The following ABLIM2 variants were observed in gnomAD, a reference collection of about 807,000 sequenced individuals.
ABLIM2 encodes the protein actin-binding LIM protein 2.
Under a neutral mutation model 97.7 loss-of-function variants are expected in ABLIM2, and 53 were observed. The ratio of observed to expected loss-of-function variants is 0.54; its 90% CI spans 0.44 to 0.68. The LOEUF (loss-of-function observed/expected upper bound fraction) is 0.68, where lower values mean the gene tolerates loss of function less well. Ranked by LOEUF, ABLIM2 falls within the 30% of genes least tolerant of loss-of-function variation. The probability of loss-of-function intolerance (pLI) is 0.00; values close to 1 mark genes in which losing one functional copy is unlikely to be tolerated. For missense variants in ABLIM2, 835 were observed against 867.2 expected (o/e 0.96, Z 0.47); for synonymous variants, 361 against 345.8 (o/e 1.04, Z -0.49).
At chr4:8,063,008 G>A (rs574521606) in intron 6 of ABLIM2, among the ~76,000 whole-genome samples, 1 of 152,300 alleles carries the variant, frequency 6.6e-6, no homozygotes, top group African/African-American at 2.4e-5. Flanking sequence ...AAACCCTGCT[G>A]TCTACACAGC....
intron 20 of ABLIM2, among the ~76,000 whole-genome samples, chr4:7,974,194 TCCATCCATCCACCCACCTACCTAC>T (rs1560335161): frequency 6.6e-6 from 1 of 152,098 alleles, no homozygotes. Context: ...TATCTATCCA[TCCATCCATCCACCCACCTACCTAC>T]CCATCCATCC....
chr4:8,087,970 C>A lies in ABLIM2; in HGVS notation c.454+199G>T, dbSNP rs1417250823. 6.8e-6 allele frequency among the ~76,000 whole-genome samples: 1 copy of A among 146,342 alleles called. No homozygotes were observed. The highest frequency in any genetic ancestry group is 1.5e-5 in the Non-Finnish European group (1 of 66,326). The stretch of plus-strand genomic sequence containing the variant: ...CCTGGGCACTGCAGAGACCAAGCCC[C>A]CAACTCAGCACCCCCCCCACAACCA... On this transcript the variant is annotated intron_variant, in intron 4 of 20. Coordinates refer to ENST00000447017, the MANE Select transcript of ABLIM2 (RefSeq NM_001130083.2). The surrounding 1 kb of genome is among the most constrained non-coding windows in gnomAD (Gnocchi z 4.6).
At chr4:8,070,811 G>A (rs933572478) in intron 6 of ABLIM2, among the ~76,000 whole-genome samples, 4 of 152,130 alleles carry the variant, frequency 2.6e-5, no homozygotes, top group African/African-American at 9.7e-5. Context: ...AAGGAGGAGG[G>A]GAGGAGTAAA....
chr4:8,158,539 A>G, intron 1 of ABLIM2, 141 bp downstream of exon 1: 1 of 1,118,016 alleles, frequency 8.9e-7, no homozygotes, highest in Non-Finnish European at 1.2e-6. Context: ...TCGGGGCTGC[A>G]AAATCCTGGA....
In ABLIM2 at chr4:8,120,591, G is replaced by A. The variant is rs936656151; in HGVS notation, c.11-13954C>T. 6.6e-6 allele frequency among the ~76,000 whole-genome samples: 1 copy of A among 152,096 alleles called. No individual in the cohort carries two copies. The highest frequency in any genetic ancestry group is 1.5e-5 in the Non-Finnish European group (1 of 68,020). ...CCAGCCCTGCCCGCACCTTGATCTG[G>A]GACTTCTGGCCTCCAGAACTGTGGG... On this transcript the variant is annotated intron_variant, in intron 1 of 20. Transcript: ENST00000447017. The surrounding 1 kb of genome is among the most constrained non-coding windows in gnomAD (Gnocchi z 5.6).
intron 3 of ABLIM2, among the ~76,000 whole-genome samples, chr4:8,093,006 G>A (rs1466867062): frequency 6.6e-6 from 1 of 151,848 alleles, no homozygotes; most frequent in African/African-American, 2.4e-5. Flanking sequence ...CCACCACCAC[G>A]CCTGGCTCAT....
rs7693070 is a variant in ABLIM2, at chr4:8,054,969, C to G, written c.764-723G>C. Among the ~76,000 whole-genome samples the G allele has an allele frequency of 2.9e-3, 434 of 151,924 alleles. 1 individual carries two copies. Among genetic ancestry groups the G allele is most frequent in the African/African-American group, 9.9e-3 (408 of 41,416 alleles). On this transcript the variant is annotated intron_variant, in intron 7 of 20. Transcript: ENST00000447017. The surrounding 1 kb of genome is among the most constrained non-coding windows in gnomAD (Gnocchi z 4.9). ...CTACCATCAACATAACAAGGCCACC[C>G]GGCACCAAGTGCCCCCAGCATCCCT...
chr4:8,125,244 T>C lies in ABLIM2; in HGVS notation c.11-18607A>G, dbSNP rs1032730122. ...AAATCCAGTCGTCTATATCTTGTTATGACGGCTTGGGCTTTGGTGTCTTTT... is the reference window on the plus strand; with the variant it reads ...AAATCCAGTCGTCTATATCTTGTTACGACGGCTTGGGCTTTGGTGTCTTTT... On this transcript the variant is annotated intron_variant, in intron 1 of 20. Coordinates refer to ENST00000447017, the MANE Select transcript of ABLIM2 (RefSeq NM_001130083.2). The surrounding 1 kb of genome is among the most constrained non-coding windows in gnomAD (Gnocchi z 6.2). Among the ~76,000 whole-genome samples the C allele has an allele frequency of 2.0e-5, 3 of 152,248 alleles. No homozygotes were observed. The highest frequency in any genetic ancestry group is 4.8e-5 in the African/African-American group (2 of 41,476).
At chr4:7,969,161 A>T (rs1307429995) in intron 20 of ABLIM2, among the ~76,000 whole-genome samples, 1 of 150,134 alleles carries the variant, frequency 6.7e-6, no homozygotes, top group African/African-American at 2.5e-5. Flanking sequence ...AATAGTTAAA[A>T]TGGTCAATTT....
At chr4:8,142,436 C>T (rs1247614125) in intron 1 of ABLIM2, among the ~76,000 whole-genome samples, 3 of 152,164 alleles carry the variant, frequency 2.0e-5, no homozygotes, top group African/African-American at 7.2e-5. Context: ...GCACAGAGGG[C>T]ACATGTCCTG....
At chr4:8,100,750 A>G (rs1282171520) in intron 2 of ABLIM2, among the ~76,000 whole-genome samples, 2 of 14,994 alleles carry the variant, frequency 1.3e-4, no homozygotes, top group Admixed American at 6.7e-4. Flanking sequence ...CCATCTCAGG[A>G]AAAAAAAAAA....
intron 7 of ABLIM2, among the ~76,000 whole-genome samples, chr4:8,059,241 C>G (rs1801325544): frequency 1.3e-5 from 2 of 152,056 alleles, no homozygotes; most frequent in African/African-American, 2.4e-5. Flanking sequence ...CCAAACAGGA[C>G]TAGCAGGCCA....
chr4:7,972,169 C>A (rs571752070), intron 20 of ABLIM2, among the ~76,000 whole-genome samples: 139 of 152,308 alleles, frequency 9.1e-4, no homozygotes, highest in African/African-American at 3.2e-3. Flanking sequence ...GGACCTCTTC[C>A]ACAGCCTATG....
chr4:8,136,078 T>C (rs1328548786), intron 1 of ABLIM2, among the ~76,000 whole-genome samples: 3 of 152,138 alleles, frequency 2.0e-5, no homozygotes, highest in Non-Finnish European at 2.9e-5. Context: ...CATGAACAGA[T>C]GAGCAAAACG....
At chr4:7,981,128 A>G (rs1177465392) in intron 20 of ABLIM2, among the ~76,000 whole-genome samples, 2 of 151,532 alleles carry the variant, frequency 1.3e-5, no homozygotes, top group African/African-American at 2.4e-5. Context: ...TATTTTTAGT[A>G]GAGATGGGGT....
Position 8,082,426 on chromosome 4 carries a change from C to T in ABLIM2, c.455-1624G>A. ...CAAAGCCTTGCGCATCCCGGGTGAACAGTGAGCATCGGCGAGACCCCCTGT... is the reference window on the plus strand; with the variant it reads ...CAAAGCCTTGCGCATCCCGGGTGAATAGTGAGCATCGGCGAGACCCCCTGT... On this transcript the variant is annotated intron_variant, in intron 4 of 20. Transcript: ENST00000447017. This position sits in a 1 kb window ranked among gnomAD's most constrained non-coding sequence, Gnocchi z 5.6. Among the ~76,000 whole-genome samples, 1 of 152,236 alleles carries T rather than the reference C, an allele frequency of 6.6e-6. No homozygotes were observed. Among genetic ancestry groups the T allele is most frequent in the South Asian group, 2.1e-4 (1 of 4,832 alleles).
Position 7,983,337 on chromosome 4 carries a change from G to T in ABLIM2, c.1751C>A (p.Pro584Gln). The stretch of plus-strand genomic sequence containing the variant: ...GTTTGTGACGATGAGGGAGTCATAC[G>T]GATAGATCTGTTGGGGGAGGAAACC... ...SWGMREYKIY[P>Q]YDSLIVTNRI... The change falls in exon 20 of 21, where the codon CCG (proline) becomes CAG (glutamine). Residue 584 changes from proline (P) to glutamine (Q), a missense_variant. Pro to Gln is a moderately conservative substitution (Grantham distance 76). Coordinates refer to ENST00000447017, the MANE Select transcript of ABLIM2 (RefSeq NM_001130083.2). The T allele has an allele frequency of 5.6e-6, 9 of 1,611,842 alleles. No individual in the cohort carries two copies. The highest frequency in any genetic ancestry group is 7.6e-6 in the Non-Finnish European group (9 of 1,179,252).
intron 16 of ABLIM2, chr4:8,007,152 A>G: frequency 4.1e-6 from 4 of 985,242 alleles, no homozygotes; most frequent in Non-Finnish European, 4.8e-6. Context: ...GTTTGCAGGC[A>G]TGAGGATGAG....
At chr4:8,104,837 C>T (rs1836447253) in intron 2 of ABLIM2, among the ~76,000 whole-genome samples, 1 of 152,164 alleles carries the variant, frequency 6.6e-6, no homozygotes, top group South Asian at 2.1e-4. Context: ...TTTCAAGCTT[C>T]CTTTTCAAGC....
Sources: gnomAD v4.1 joint callset for allele counts (sites outside exome capture counted in the v4.1 genomes callset) on GRCh38, gnomAD v4.1.1 for gene constraint, Gnocchi (gnomAD v3.1) non-coding constraint, MANE v1.5 for transcripts, NCBI Gene and HGNC (gene_info 2026-07-23, HGNC 2026-07-21) for gene names.